The following ANKRD36B variants were observed in gnomAD, a reference collection of about 807,000 sequenced individuals.
ANKRD36B encodes ankyrin repeat domain 36B, also known as ankyrin repeat domain-containing protein 36B.
Under a neutral mutation model 135.7 loss-of-function variants are expected in ANKRD36B, and 37 were observed. The observed-to-expected ratio is 0.27, with a 90% CI of 0.21 to 0.36. The LOEUF (loss-of-function observed/expected upper bound fraction) is 0.36. Ranked by LOEUF, ANKRD36B falls within the 10% of genes least tolerant of loss-of-function variation. The pLI is 1.00. For missense variants in ANKRD36B, 549 were observed against 1,037.1 expected (o/e 0.53, Z 6.46); for synonymous variants, 179 against 348.1 (o/e 0.51, Z 5.41).
chr2:97,548,761 G>A (rs1256448205), intron 20 of ANKRD36B, among the ~76,000 whole-genome samples: 1 of 151,936 alleles, frequency 6.6e-6, no homozygotes, highest in Non-Finnish European at 1.5e-5. Flanking sequence ...GAGGAGTAAT[G>A]ACTCAGTGTG....
chr2:97,549,473 C>T lies in ANKRD36B; in HGVS notation c.1423G>A (p.Asp475Asn), dbSNP rs776829352. ...PALKATSVKE[D>N]SVLNIAREKK... is the part of the protein sequence containing the mutation. ...TCTCTGGCTATATTCAAAACAGAAT[C>T]TTCCTTGACACTTGTAGCCTGAATG... Residue 475 changes from aspartate (D) to asparagine (N), a missense_variant, in exon 20 of 44, where the codon GAT (aspartate) becomes AAT (asparagine). Coordinates refer to ENST00000359901, the MANE Select transcript of ANKRD36B (RefSeq NM_001393939.1). 8 of 1,592,028 alleles carry T rather than the reference C, an allele frequency of 5.0e-6. No individual in the cohort carries two copies. The highest frequency in any genetic ancestry group is 6.8e-6 in the Non-Finnish European group (8 of 1,168,952).
chr2:97,556,067 A>G (rs1351509903), intron 12 of ANKRD36B, among the ~76,000 whole-genome samples: 1 of 151,940 alleles, frequency 6.6e-6, no homozygotes, highest in Non-Finnish European at 1.5e-5. Context: ...CAATTAATAC[A>G]TTTAACATTA....
intron 6 of ANKRD36B, among the ~76,000 whole-genome samples, chr2:97,563,721 C>T (rs1280503147): frequency 1.3e-5 from 2 of 152,198 alleles, no homozygotes; most frequent in South Asian, 2.1e-4. Flanking sequence ...AAAAGACATG[C>T]TTTAAGGGGG....
Position 97,574,743 on chromosome 2 carries a change from T to C in ANKRD36B, c.763+1636A>G, listed in dbSNP as rs935898729. Among the ~76,000 whole-genome samples the C allele has an allele frequency of 3.9e-5, 6 of 152,250 alleles. No individual in the cohort carries two copies. The East Asian group carries it at 7.7e-4, about 20-fold the overall frequency. On this transcript the variant is annotated intron_variant, in intron 6 of 43. Transcript: ENST00000359901. ...GTTTCAGAATGCATCCAGAAGAACTTATCAGGGATTTCAGTACAAACTAAG... is the reference window on the plus strand; with the variant it reads ...GTTTCAGAATGCATCCAGAAGAACTCATCAGGGATTTCAGTACAAACTAAG...
rs564551719 is a variant in ANKRD36B at position 97,573,750 on chromosome 2, C to G, written c.763+2629G>C. ...AATAATGCTGCATGTCTACAACTAT[C>G]GATCTTTGACAAACCTGAGAAAAAC... is the stretch of plus-strand genomic sequence containing the variant. On this transcript the variant is annotated intron_variant, in intron 6 of 43. Coordinates refer to ENST00000359901, the MANE Select transcript of ANKRD36B (RefSeq NM_001393939.1). Among the ~76,000 whole-genome samples the G allele has an allele frequency of 2.0e-5, 3 of 152,180 alleles. No homozygotes were observed. The East Asian group carries it at 5.8e-4, about 29-fold the overall frequency.
chr2:97,558,701 T>C, intron 10 of ANKRD36B, 98 bp downstream of exon 10: 1 of 1,508,132 alleles, frequency 6.6e-7, no homozygotes, highest in Non-Finnish European at 9.1e-7. Flanking sequence ...TGAATCAGAA[T>C]GTGCAGCTTC....
intron 12 of ANKRD36B, among the ~76,000 whole-genome samples, chr2:97,556,708 T>C (rs1020791772): frequency 6.6e-6 from 1 of 151,932 alleles, no homozygotes; most frequent in African/African-American, 2.4e-5. Flanking sequence ...TGTTTTCCAA[T>C]GGTTCTTCTA....
chr2:97,546,995 G>A (rs967135316), intron 22 of ANKRD36B, among the ~76,000 whole-genome samples: 1 of 151,596 alleles, frequency 6.6e-6, no homozygotes, highest in Non-Finnish European at 1.5e-5. Flanking sequence ...AAATGCATCT[G>A]AAGTGAGTTC....
At position 97,560,842 on chromosome 2, in the gene ANKRD36B, C is replaced by T. The variant is rs2261700; in HGVS notation, c.782G>A (p.Arg261Gln). ...NSNPVSPQKQRAEKATSDDKD... is the reference protein window; with the variant it reads ...NSNPVSPQKQQAEKATSDDKD... ...TGAGACTTTAATTACCTTCTCAGCTCGTTGTTTCTGAGGAGACACTGAAAA... is the reference window on the plus strand; with the variant it reads ...TGAGACTTTAATTACCTTCTCAGCTTGTTGTTTCTGAGGAGACACTGAAAA... Residue 261 changes from arginine to glutamine, a missense_variant, in exon 7 of 44, where the codon CGA becomes CAA. Arg to Gln is a conservative substitution (Grantham distance 43, BLOSUM62 1). Transcript: ENST00000359901. 7.1e-6 allele frequency: 11 copies of T among 1,539,650 alleles called. No individual in the cohort carries two copies. The highest frequency in any genetic ancestry group is 6.9e-5 in the African/African-American group (5 of 72,388).
At chr2:97,537,583 T>A (rs1187403645) in intron 32 of ANKRD36B, among the ~76,000 whole-genome samples, 1 of 96,968 alleles carries the variant, frequency 1.0e-5, no homozygotes, top group East Asian at 2.3e-4. Context: ...AAATCAGATC[T>A]TCTGGTATGC....
chr2:97,548,532 A>G (rs1456832566), intron 20 of ANKRD36B, among the ~76,000 whole-genome samples: 3 of 151,934 alleles, frequency 2.0e-5, no homozygotes, highest in Non-Finnish European at 4.4e-5. Flanking sequence ...ATTGAAAATG[A>G]CCATTTTAGG....
chr2:97,578,814 T>C, intron 5 of ANKRD36B, 92 bp downstream of exon 5: 2 of 1,452,196 alleles, frequency 1.4e-6, no homozygotes, highest in South Asian at 1.6e-5. Context: ...TGAACCAAAC[T>C]ATGCAATCTC....
intron 6 of ANKRD36B, among the ~76,000 whole-genome samples, chr2:97,569,039 T>A (rs1169955178): frequency 6.6e-6 from 1 of 152,190 alleles, no homozygotes; most frequent in East Asian, 1.9e-4. Flanking sequence ...ACTCCAGTTT[T>A]ATAAAGTACA....
At chr2:97,506,572 A>G (rs1181058351) in intron 43 of ANKRD36B, 1,635 of 82,824 alleles carry the variant, frequency 0.02, 109 homozygotes, top group African/African-American at 0.043. Flanking sequence ...TAAACCAATG[A>G]CAAAGTCAAT....
chr2:97,566,214 G>C (rs964894375), intron 6 of ANKRD36B, among the ~76,000 whole-genome samples: 2 of 151,906 alleles, frequency 1.3e-5, no homozygotes, highest in Non-Finnish European at 2.9e-5. Context: ...CCAGCTACTC[G>C]GGAGGCTGAG....
intron 34 of ANKRD36B, among the ~76,000 whole-genome samples, chr2:97,535,534 G>A (rs867545690): frequency 1.7e-5 from 2 of 118,094 alleles, no homozygotes; most frequent in Non-Finnish European, 4.3e-5. Context: ...CAGAACATCC[G>A]ATTGGCTTAA....
chr2:97,526,067 G>A lies in ANKRD36B; in HGVS notation c.2266-2600C>T, dbSNP rs1183557036. Among the ~76,000 whole-genome samples, 2 of 97,746 alleles carry A rather than the reference G, an allele frequency of 2.0e-5. 1 individual carries two copies. The highest frequency in any genetic ancestry group is 6.1e-5 in the African/African-American group (2 of 32,604). 64.1% of individuals were successfully genotyped at this position (97,746 alleles called of 152,430 possible). On this transcript the variant is annotated intron_variant, in intron 35 of 43. Transcript: ENST00000359901. ...AAGACAGCAGTGGTTCCCCCAGCCT[G>A]CAGCTGGAGATCTGAGAATGGGCAG...
intron 6 of ANKRD36B, among the ~76,000 whole-genome samples, chr2:97,563,981 T>C (rs2081244794): frequency 9.1e-6 from 1 of 110,466 alleles, no homozygotes; most frequent in Admixed American, 8.4e-5. Context: ...TGGGTCAACA[T>C]GGATAGATCT....
intron 1 of ANKRD36B, among the ~76,000 whole-genome samples, chr2:97,587,040 T>A (rs188816572): frequency 6.6e-6 from 1 of 152,054 alleles, no homozygotes; most frequent in African/African-American, 2.4e-5. Flanking sequence ...CTGGGCATGG[T>A]GGCGCACACC....
Sources: allele counts gnomAD v4.1 joint callset (sites outside exome capture counted in the v4.1 genomes callset), GRCh38; gene constraint gnomAD v4.1.1; transcripts MANE v1.5; gene names NCBI Gene and HGNC (gene_info 2026-07-23, HGNC 2026-07-21).